Variants in DHX34 observed in about 807,000 individuals in gnomAD.
DHX34 encodes probable ATP-dependent RNA helicase DHX34.
In DHX34, 96 loss-of-function variants were observed where a neutral mutation model predicts 111.1. That is an observed-to-expected ratio of 0.86 (90% CI 0.73 to 1.02). The LOEUF is 1.02. DHX34 is among the 50% of genes least tolerant of loss of function. The pLI, the probability that DHX34 is intolerant of heterozygous loss-of-function variation, is 0.00. For synonymous variants in DHX34, 688 were observed against 670.4 expected, an observed-to-expected ratio of 1.03 and a Z score of -0.41; for missense variants, 1,560 against 1,579.9, an observed-to-expected ratio of 0.99 and a Z score of 0.21.
chr19:47,369,201 A>T (rs1969894030), intron 7 of DHX34, among the ~76,000 whole-genome samples: 2 of 151,874 alleles, frequency 1.3e-5, no homozygotes, highest in Non-Finnish European at 2.9e-5. Context: ...TCAGTAGAGA[A>T]GGAGTTTCAC....
At chr19:47,375,151 G>A (rs73940812) in intron 9 of DHX34, among the ~76,000 whole-genome samples, 14 of 152,328 alleles carry the variant, frequency 9.2e-5, no homozygotes, top group African/African-American at 1.7e-4. Context: ...GCCCACCAGG[G>A]CTGTGTGGGA....
At chr19:47,368,551 C>T (rs1364917577) in intron 7 of DHX34, among the ~76,000 whole-genome samples, 1 of 150,536 alleles carries the variant, frequency 6.6e-6, no homozygotes, top group Non-Finnish European at 1.5e-5. Flanking sequence ...GGTGATCTGC[C>T]CGCCTTGACC....
intron 6 of DHX34, among the ~76,000 whole-genome samples, chr19:47,363,086 G>C (rs1040137869): frequency 6.6e-6 from 1 of 152,020 alleles, no homozygotes; most frequent in Non-Finnish European, 1.5e-5. Context: ...TAGTAGCTGG[G>C]ACTACAGGTG....
Position 47,375,667 on chromosome 19 carries a change from G to T in DHX34, c.2266G>T (p.Gly756Cys). 6.4e-7 allele frequency: 1 copy of T among 1,557,872 alleles called. No homozygotes were observed. Among genetic ancestry groups the T allele is most frequent in the African/African-American group, 1.4e-5 (1 of 73,772 alleles). Residue 756 changes from glycine (G) to cysteine (C), a missense_variant, in exon 10 of 17, where the codon GGC (glycine) becomes TGC (cysteine). Coordinates refer to ENST00000328771, the MANE Select transcript of DHX34 (RefSeq NM_014681.6). The stretch of plus-strand genomic sequence containing the variant: ...CGGCTCCAGTGACGAGGACAGGGCT[G>T]GCCCAGCCCCCCCAGGGGCCAGTGA... ...DGGSSDEDRA[G>C]PAPPGASDGV...
In DHX34 at chr19:47,353,373, A is replaced by T. The variant is rs775106532; in HGVS notation, c.343A>T (p.Thr115Ser). 6.2e-6 allele frequency: 10 copies of T among 1,614,056 alleles called. No homozygotes were observed. The Admixed American group carries it at 1.2e-4, about 19-fold the overall frequency. The change falls in exon 2 of 17, where the codon ACG (threonine) becomes TCG (serine). Residue 115 changes from threonine (T) to serine (S), a missense_variant. By Grantham distance (58) the Thr-to-Ser change is moderately conservative. Transcript: ENST00000328771. The surrounding 1 kb of genome is among the most constrained non-coding windows in gnomAD (Gnocchi z 4.6). ...CAACCTCTCTGTTCTTGGCCCTGCC[A>T]CGCGGGGCTCTCAGGGACTGGGCAG... ...RINLSVLGPA[T>S]RGSQGLGRHL...
In DHX34 at chr19:47,380,923, C is replaced by T. The variant is rs757372325; in HGVS notation, c.3090C>T (p.Ser1030=). Residue 1030 remains serine, a synonymous_variant, in exon 15 of 17, where the codon TCC becomes TCT. Coordinates refer to ENST00000328771, the MANE Select transcript of DHX34 (RefSeq NM_014681.6). ...ATCTTCCTGGCCTCTTTGGCAGCTC[C>T]ACCCTGTCCCCCCACCCCACAAAGG... ...TPHLPGLFGS[S]TLSPHPTKGG... 2 of 1,611,880 alleles carry T rather than the reference C, an allele frequency of 1.2e-6. No homozygotes were observed. Among genetic ancestry groups the T allele is most frequent in the Admixed American group, 1.7e-5 (1 of 59,546 alleles).
At chr19:47,359,639 G>A (rs139224266) in intron 4 of DHX34, among the ~76,000 whole-genome samples, 2 of 152,114 alleles carry the variant, frequency 1.3e-5, no homozygotes, top group Non-Finnish European at 2.9e-5. Flanking sequence ...AAAATTAGCC[G>A]GGCATGGTGG....
At position 47,355,144 on chromosome 19, in the gene DHX34, C is replaced by T; in HGVS notation, c.811C>T (p.Pro271Ser). Residue 271 changes from proline (P) to serine (S), a missense_variant, in exon 3 of 17, where the codon CCC becomes TCC. Physicochemically the swap from Pro to Ser is moderately conservative, Grantham distance 74. Transcript: ENST00000328771. ...LRQIQREPSL[P>S]QYEVLIVDEV... ...ACAAATCCAGCGGGAACCCAGCCTG[C>T]CCCAGTATGAGGTCCTGATTGTGGA... 4 of 1,614,134 alleles carry T rather than the reference C, an allele frequency of 2.5e-6. No individual in the cohort carries two copies. The highest frequency in any genetic ancestry group is 3.4e-6 in the Non-Finnish European group (4 of 1,180,032).
chr19:47,370,465 G>C (rs1283579710), intron 7 of DHX34, among the ~76,000 whole-genome samples: 1 of 152,148 alleles, frequency 6.6e-6, no homozygotes, highest in Non-Finnish European at 1.5e-5. Context: ...CACTGACTGA[G>C]GCTTGTTCAT....
In DHX34 at chr19:47,380,997, G is replaced by C; in HGVS notation, c.3159+5G>C. 6.4e-7 allele frequency: 1 copy of C among 1,562,414 alleles called. No individual in the cohort carries two copies. The highest frequency in any genetic ancestry group is 8.7e-7 in the Non-Finnish European group (1 of 1,154,276). On this transcript the variant is annotated splice_donor_5th_base_variant and intron_variant, in intron 15 of 16. Coordinates refer to ENST00000328771, the MANE Select transcript of DHX34 (RefSeq NM_014681.6). ...CTCACCTACAACTGCCTCACGGTAAGCATGAACCCTCCTTCCCTGAAGGTG... is the reference window on the plus strand; with the variant it reads ...CTCACCTACAACTGCCTCACGGTAACCATGAACCCTCCTTCCCTGAAGGTG...
Position 47,376,300 on chromosome 19 carries a change from A to C in DHX34, c.2482-143A>C, listed in dbSNP as rs1315463176. 2.0e-6 allele frequency: 3 copies of C among 1,507,226 alleles called. No individual in the cohort carries two copies. The African/African-American group carries it at 4.1e-5, about 21-fold the overall frequency. The allele number at this position is 1,507,226 out of a possible 1,614,324, so 93.4% of individuals were successfully genotyped here. ...GGAGTCAAGAGCACTATAGGAGCCC[A>C]CAGGGGGCATCTGCCCCAGATTTGG... On this transcript the variant is annotated intron_variant, in intron 11 of 16. Coordinates refer to ENST00000328771, the MANE Select transcript of DHX34 (RefSeq NM_014681.6).
rs1476467438 is a variant in DHX34, at chr19:47,381,175, G to T, written c.3160-11G>T. On this transcript the variant is annotated splice_polypyrimidine_tract_variant and intron_variant, in intron 15 of 16. Transcript: ENST00000328771. ...GGCGGGGGCCCAGCCCTGACAGCTGGCCTGCCACAGAATGACACAGACCTG... is the reference window on the plus strand; with the variant it reads ...GGCGGGGGCCCAGCCCTGACAGCTGTCCTGCCACAGAATGACACAGACCTG... 3 of 1,612,648 alleles carry T rather than the reference G, an allele frequency of 1.9e-6. No individual in the cohort carries two copies. In the South Asian group the frequency reaches 3.3e-5, roughly 18 times the overall value.
intron 7 of DHX34, among the ~76,000 whole-genome samples, chr19:47,371,978 C>T (rs968516213): frequency 1.3e-5 from 2 of 151,312 alleles, no homozygotes; most frequent in Non-Finnish European, 2.9e-5. Context: ...AGCGTCAGCT[C>T]GGGCGCCCAG....
At chr19:47,366,823 C>G (rs1384490089) in intron 6 of DHX34, 158 bp from the exon 7 acceptor site, 2 of 983,314 alleles carry the variant, frequency 2.0e-6, no homozygotes, top group African/African-American at 3.5e-5. Context: ...ATCCGCTTGC[C>G]TTGGCCTTTC....
chr19:47,361,456 TA>T (rs538415702), intron 5 of DHX34, among the ~76,000 whole-genome samples: 6 of 143,642 alleles, frequency 4.2e-5, no homozygotes, highest in Admixed American at 1.4e-4. Context: ...AGACCCTGTT[TA>T]AAAAAAAAAG....
At chr19:47,368,047 G>T (rs898821235) in intron 7 of DHX34, among the ~76,000 whole-genome samples, 5 of 151,508 alleles carry the variant, frequency 3.3e-5, no homozygotes, top group Non-Finnish European at 7.4e-5. Flanking sequence ...ACCATACGAC[G>T]TCTTGGAAAT....
chr19:47,379,586 G>C, intron 13 of DHX34, 124 bp from the exon 14 acceptor site: 1 of 1,478,418 alleles, frequency 6.8e-7, no homozygotes, highest in Non-Finnish European at 8.9e-7. Flanking sequence ...GTAGATGGCG[G>C]GTAGGTGGAT....
Position 47,376,462 on chromosome 19 carries a change from A to G in DHX34, c.2501A>G (p.Lys834Arg). ...CCGCAGATTTTCCACACGCAGGCCA[A>G]GCAGGGCGCCGTGCTGCACCCCACC... Reference protein sequence around the residue: ...DSDQIFHTQAKQGAVLHPTCV... With the variant: ...DSDQIFHTQARQGAVLHPTCV... The change falls in exon 12 of 17, where the codon AAG becomes AGG. Residue 834 changes from lysine to arginine, a missense_variant. Coordinates refer to ENST00000328771, the MANE Select transcript of DHX34 (RefSeq NM_014681.6). 1 of 1,611,794 alleles carries G rather than the reference A, an allele frequency of 6.2e-7. No homozygotes were observed. Among genetic ancestry groups the G allele is most frequent in the East Asian group, 2.2e-5 (1 of 44,830 alleles).
At chr19:47,372,338 G>A (rs902153718) in intron 7 of DHX34, among the ~76,000 whole-genome samples, 2 of 152,054 alleles carry the variant, frequency 1.3e-5, no homozygotes, top group Admixed American at 6.6e-5. Context: ...GAGGAGAGAC[G>A]TCCACCGTGA....
Sources: gnomAD v4.1 joint callset for allele counts (sites outside exome capture counted in the v4.1 genomes callset) on GRCh38, gnomAD v4.1.1 for gene constraint, Gnocchi (gnomAD v3.1) non-coding constraint, MANE v1.5 for transcripts, NCBI Gene and HGNC (gene_info 2026-07-23, HGNC 2026-07-21) for gene names.